Variants in SGCZ observed in about 807,000 individuals in gnomAD.
The protein encoded by SGCZ is sarcoglycan zeta.
SGCZ carries 40 observed loss-of-function variants against 41.3 expected under a neutral mutation model. The observed-to-expected ratio is 0.97, with a 90% confidence interval of 0.75 to 1.26. The LOEUF is 1.26. Ranked by LOEUF, SGCZ falls within the 50% of genes most tolerant of loss-of-function variation. SGCZ has a pLI of 0.00. For missense variants in SGCZ, 552 were observed against 369.8 expected, an observed-to-expected ratio of 1.49 and a Z score of -4.04; for synonymous variants, 206 against 137.5, an observed-to-expected ratio of 1.50 and a Z score of -3.49.
At chr8:14,477,505 C>T (rs1249692918) in intron 2 of SGCZ, among the ~76,000 whole-genome samples, 1 of 152,050 alleles carries the variant, frequency 6.6e-6, no homozygotes, top group Non-Finnish European at 1.5e-5. Flanking sequence ...CCACAATTGT[C>T]TTATTTTTAT....
chr8:14,940,869 G>C (rs932212431), intron 1 of SGCZ, among the ~76,000 whole-genome samples: 2 of 152,018 alleles, frequency 1.3e-5, no homozygotes, highest in Non-Finnish European at 2.9e-5. Context: ...AAACCAAAAA[G>C]AGACTACATT....
At chr8:14,982,658 G>A (rs1038451975) in intron 1 of SGCZ, among the ~76,000 whole-genome samples, 11 of 152,280 alleles carry the variant, frequency 7.2e-5, no homozygotes, top group Admixed American at 2.0e-4. Flanking sequence ...TCTAGGTAAA[G>A]CGTTAAGTGC....
chr8:15,195,286 C>A (rs546143540), intron 1 of SGCZ, among the ~76,000 whole-genome samples: 3 of 152,232 alleles, frequency 2.0e-5, no homozygotes, highest in East Asian at 1.9e-4. Flanking sequence ...CATCATTAAT[C>A]TTTGAGGATG....
At chr8:14,552,681 C>T (rs1332199320) in intron 2 of SGCZ, among the ~76,000 whole-genome samples, 1 of 152,046 alleles carries the variant, frequency 6.6e-6, no homozygotes. Context: ...CCATGAGGAT[C>T]CTGAGGACAC....
At chr8:14,656,699 T>G (rs1212874144) in intron 1 of SGCZ, among the ~76,000 whole-genome samples, 4 of 151,474 alleles carry the variant, frequency 2.6e-5, no homozygotes, top group Non-Finnish European at 5.9e-5. Flanking sequence ...CTTTCACTCT[T>G]TCTTTCTCCA....
At chr8:14,539,943 T>C (rs1362703736) in intron 2 of SGCZ, among the ~76,000 whole-genome samples, 1 of 151,900 alleles carries the variant, frequency 6.6e-6, no homozygotes, top group Non-Finnish European at 1.5e-5. Flanking sequence ...TGAGATCACC[T>C]AGGAAGAACA....
chr8:14,903,295 C>G (rs961913896), intron 1 of SGCZ, among the ~76,000 whole-genome samples: 1 of 151,786 alleles, frequency 6.6e-6, no homozygotes, highest in Non-Finnish European at 1.5e-5. Context: ...GAGACTTGCT[C>G]TCATACTAAA....
intron 1 of SGCZ, among the ~76,000 whole-genome samples, chr8:14,895,753 A>T (rs1387559053): frequency 6.6e-6 from 1 of 152,216 alleles, no homozygotes; most frequent in Non-Finnish European, 1.5e-5. Context: ...AGCAAATTGC[A>T]AATGTAGATG....
At chr8:14,190,249 T>C (rs1181725293) in intron 4 of SGCZ, among the ~76,000 whole-genome samples, 1 of 151,940 alleles carries the variant, frequency 6.6e-6, no homozygotes, top group African/African-American at 2.4e-5. Flanking sequence ...CCTGACCTTG[T>C]GATCCGCCCA....
chr8:14,130,576 A>G (rs1169298194), intron 5 of SGCZ, among the ~76,000 whole-genome samples: 1 of 152,178 alleles, frequency 6.6e-6, no homozygotes. Context: ...GAGTGGAGGT[A>G]ACACAGGGGC....
intron 1 of SGCZ, among the ~76,000 whole-genome samples, chr8:14,589,247 G>A (rs894300362): frequency 6.6e-6 from 1 of 151,026 alleles, no homozygotes; most frequent in Non-Finnish European, 1.5e-5. Context: ...TTGGGAGGCT[G>A]AGGCAGGAGA....
At chr8:14,878,098 T>C (rs1407944406) in intron 1 of SGCZ, among the ~76,000 whole-genome samples, 3 of 152,054 alleles carry the variant, frequency 2.0e-5, no homozygotes, top group African/African-American at 7.2e-5. Flanking sequence ...GTTCCCTCTT[T>C]ATTTGAGGGT....
At chr8:14,997,104 G>A (rs1030852837) in intron 1 of SGCZ, among the ~76,000 whole-genome samples, 1 of 152,018 alleles carries the variant, frequency 6.6e-6, no homozygotes, top group African/African-American at 2.4e-5. Flanking sequence ...TGATATTTCT[G>A]GCTAAGCATT....
chr8:15,157,340 C>A (rs1165539373), intron 1 of SGCZ, among the ~76,000 whole-genome samples: 1 of 151,872 alleles, frequency 6.6e-6, no homozygotes, highest in Non-Finnish European at 1.5e-5. Context: ...CAGGAGTGAG[C>A]TCACACCACT....
intron 1 of SGCZ, among the ~76,000 whole-genome samples, chr8:14,780,034 A>C (rs566840533): frequency 2.0e-5 from 3 of 152,264 alleles, no homozygotes; most frequent in African/African-American, 7.2e-5. Flanking sequence ...ACTTCCCTTA[A>C]GATGTACCCT....
intron 1 of SGCZ, among the ~76,000 whole-genome samples, chr8:14,951,372 T>G (rs1306446899): frequency 6.6e-6 from 1 of 152,016 alleles, no homozygotes; most frequent in Non-Finnish European, 1.5e-5. Flanking sequence ...TGAATTTAAA[T>G]CACTATAGTG....
chr8:14,605,413 A>T (rs1805717196), intron 1 of SGCZ, among the ~76,000 whole-genome samples: 1 of 152,158 alleles, frequency 6.6e-6, no homozygotes, highest in South Asian at 2.1e-4. Flanking sequence ...CCAACAATCG[A>T]ATTACACTCT....
At chr8:14,351,644 G>C (rs892336451) in intron 2 of SGCZ, among the ~76,000 whole-genome samples, 8 of 151,416 alleles carry the variant, frequency 5.3e-5, no homozygotes, top group Non-Finnish European at 1.0e-4. Context: ...GTACCCACAA[G>C]GCAAATACAA....
At chr8:14,612,117 C>T (rs1190378896) in intron 1 of SGCZ, among the ~76,000 whole-genome samples, 1 of 152,096 alleles carries the variant, frequency 6.6e-6, no homozygotes, top group African/African-American at 2.4e-5. Context: ...AAAAGTGAGG[C>T]TTTTCTTTTT....
Sources: gnomAD v4.1 joint callset for allele counts (sites outside exome capture counted in the v4.1 genomes callset) on GRCh38, gnomAD v4.1.1 for gene constraint, MANE v1.5 for transcripts, NCBI Gene and HGNC (gene_info 2026-07-23, HGNC 2026-07-21) for gene names.